The following DOCK3 variants were observed in gnomAD, a reference collection of about 807,000 sequenced individuals.
DOCK3 encodes dedicator of cytokinesis 3.
In DOCK3, 60 loss-of-function variants were observed where a neutral mutation model predicts 265.6. The ratio of observed to expected loss-of-function variants is 0.23; its 90% confidence interval spans 0.18 to 0.28. DOCK3 has a LOEUF of 0.28. Among genes scored for constraint, DOCK3 ranks in the 10% least tolerant of loss-of-function variants. The pLI is 1.00. For missense variants in DOCK3, 1,981 were observed against 2,594.3 expected (o/e 0.76, Z 5.14); for synonymous variants, 881 against 938.0 (o/e 0.94, Z 1.11).
At chr3:50,984,165 A>G (rs2077808147) in intron 5 of DOCK3, among the ~76,000 whole-genome samples, 1 of 152,226 alleles carries the variant, frequency 6.6e-6, no homozygotes, top group Non-Finnish European at 1.5e-5. Flanking sequence ...GCAGCCTGCC[A>G]GGCTGAGTGG....
chr3:51,252,905 T>C (rs1472808072), intron 22 of DOCK3, among the ~76,000 whole-genome samples: 1 of 152,222 alleles, frequency 6.6e-6, no homozygotes, highest in Non-Finnish European at 1.5e-5. Context: ...CTATGTTGAA[T>C]AGGAGTGGTG....
chr3:51,120,259 A>G (rs1203439032), intron 9 of DOCK3, among the ~76,000 whole-genome samples: 3 of 152,106 alleles, frequency 2.0e-5, no homozygotes, highest in Non-Finnish European at 4.4e-5. Flanking sequence ...CTAGGGGTCT[A>G]CTCCAGATCC....
intron 2 of DOCK3, among the ~76,000 whole-genome samples, chr3:50,824,779 A>AT (rs1243480389): frequency 6.6e-6 from 1 of 152,198 alleles, no homozygotes; most frequent in East Asian, 1.9e-4. Context: ...AGGTAGATGA[A>AT]TGGACTAATA....
At chr3:50,989,340 C>T (rs1379864482) in intron 5 of DOCK3, among the ~76,000 whole-genome samples, 9 of 152,158 alleles carry the variant, frequency 5.9e-5, no homozygotes, top group African/African-American at 1.4e-4. Context: ...AGAGCTACAG[C>T]GGGCAGGCCA....
chr3:50,817,386 G>A (rs1415753099), intron 2 of DOCK3, among the ~76,000 whole-genome samples: 1 of 152,102 alleles, frequency 6.6e-6, no homozygotes, highest in African/African-American at 2.4e-5. Context: ...CAACCTCCCA[G>A]GCTCAAGCCA....
chr3:51,230,233 A>C (rs1194228754), intron 19 of DOCK3, among the ~76,000 whole-genome samples: 3 of 152,146 alleles, frequency 2.0e-5, no homozygotes, highest in African/African-American at 7.2e-5. Context: ...CTGAGGTAGT[A>C]AGCATAGTAC....
chr3:51,194,730 C>T (rs1307217574), intron 12 of DOCK3, among the ~76,000 whole-genome samples: 2 of 151,646 alleles, frequency 1.3e-5, no homozygotes, highest in African/African-American at 2.4e-5. Context: ...TATCCCTACT[C>T]GCTTTTGGTT....
At position 51,330,190 on chromosome 3, in the gene DOCK3, G is replaced by A; in HGVS notation, c.3455G>A (p.Gly1152Asp). The A allele has an allele frequency of 6.2e-7, 1 of 1,605,454 alleles. No individual in the cohort carries two copies. The highest frequency in any genetic ancestry group is 8.5e-7 in the Non-Finnish European group (1 of 1,176,084). The change falls in exon 33 of 53, where the codon GGT becomes GAT. Residue 1152 changes from glycine (G) to aspartate (D), a missense_variant. By Grantham distance (94) the Gly-to-Asp change is moderately conservative. Around this residue, in one of 4 missense-constraint regions of DOCK3, gnomAD observed 1,357 missense variants for 1,866.8 expected, o/e 0.73. Transcript: ENST00000266037. ...GACAGCATGGTGTCAGAAGGGAAAG[G>A]TGACGAGAGCTACAGGGAGCTCTTC... Reference protein sequence around the residue: ...KLDSMVSEGKGDESYRELFSL... With the variant: ...KLDSMVSEGKDDESYRELFSL...
intron 27 of DOCK3, among the ~76,000 whole-genome samples, chr3:51,287,163 A>G (rs999846904): frequency 2.0e-5 from 3 of 152,228 alleles, no homozygotes; most frequent in Non-Finnish European, 4.4e-5. Context: ...ATGAACAGAC[A>G]CTTTTCAAAA....
chr3:51,141,299 GT>G (rs34416506), intron 9 of DOCK3, among the ~76,000 whole-genome samples: 3 of 142,936 alleles, frequency 2.1e-5, no homozygotes, highest in Non-Finnish European at 4.5e-5. Flanking sequence ...TTCCTGGAGA[GT>G]TTTTTTTTTT....
At position 50,854,594 on chromosome 3, in the gene DOCK3, T is replaced by TTTTTTTTTTTTTTTTTG. The variant is rs2046498389; in HGVS notation, c.162+12880_162+12896dup. ...TACAGATGAGCACCATCACACCAGTTTTTTTTTTTTTTTTTTGGTGGTCTC... is the reference window on the plus strand; with the variant it reads ...TACAGATGAGCACCATCACACCAGTTTTTTTTTTTTTTTTTTGTTTTTTTTTTTTTTTTGGTGGTCTC... On this transcript the variant is annotated intron_variant, in intron 3 of 52. Coordinates refer to ENST00000266037, the MANE Select transcript of DOCK3 (RefSeq NM_004947.5). Among the ~76,000 whole-genome samples, 9 of 126,144 alleles carry TTTTTTTTTTTTTTTTTG rather than the reference T, an allele frequency of 7.1e-5. 3 individuals carry two copies. Among genetic ancestry groups the TTTTTTTTTTTTTTTTTG allele is most frequent in the African/African-American group, 2.8e-4 (9 of 32,178 alleles). The allele number at this position is 126,144 out of a possible 152,430, so 82.8% of individuals were successfully genotyped here.
intron 1 of DOCK3, among the ~76,000 whole-genome samples, chr3:50,694,184 C>T (rs200037290): frequency 2.6e-5 from 4 of 151,908 alleles, no homozygotes; most frequent in East Asian, 2.0e-4. Flanking sequence ...GCATGAGAAT[C>T]GCTTGAACCC....
intron 4 of DOCK3, among the ~76,000 whole-genome samples, chr3:50,892,510 G>A (rs1368211730): frequency 2.0e-5 from 3 of 152,090 alleles, no homozygotes; most frequent in Admixed American, 6.6e-5. Context: ...CTGGTTAAGA[G>A]AGAATTTGTC....
intron 4 of DOCK3, among the ~76,000 whole-genome samples, chr3:50,908,550 T>G (rs547007104): frequency 6.6e-6 from 1 of 152,194 alleles, no homozygotes; most frequent in African/African-American, 2.4e-5. Context: ...TGTCTTAACA[T>G]TGAGTTCTAA....
At chr3:50,735,935 T>C (rs1173452980) in intron 1 of DOCK3, among the ~76,000 whole-genome samples, 1 of 152,138 alleles carries the variant, frequency 6.6e-6, no homozygotes, top group Non-Finnish European at 1.5e-5. Context: ...AGTTCTAGGG[T>C]ACGTGTACAC....
At chr3:50,807,236 G>T (rs1241038023) in intron 2 of DOCK3, among the ~76,000 whole-genome samples, 2 of 150,354 alleles carry the variant, frequency 1.3e-5, no homozygotes, top group African/African-American at 2.5e-5. Flanking sequence ...CAGCCATCTT[G>T]CTCTGCCACG....
chr3:51,073,885 A>G (rs926878896), intron 6 of DOCK3, among the ~76,000 whole-genome samples: 3 of 152,120 alleles, frequency 2.0e-5, no homozygotes, highest in African/African-American at 7.2e-5. Flanking sequence ...TTCTCCATAT[A>G]GGTTTGATTT....
At chr3:50,718,721 C>T (rs979700231) in intron 1 of DOCK3, among the ~76,000 whole-genome samples, 1 of 149,200 alleles carries the variant, frequency 6.7e-6, no homozygotes, top group Non-Finnish European at 1.5e-5. Context: ...TTTTGCCATC[C>T]GCTCTAGCTG....
chr3:50,858,797 A>G (rs1189273183), intron 3 of DOCK3, among the ~76,000 whole-genome samples: 1 of 152,118 alleles, frequency 6.6e-6, no homozygotes, highest in African/African-American at 2.4e-5. Flanking sequence ...AATGATTCAT[A>G]GATTTGGCCT....
Sources: gnomAD v4.1 joint callset for allele counts (sites outside exome capture counted in the v4.1 genomes callset) on GRCh38, gnomAD v4.1.1 for gene constraint, gnomAD v4.1.1 regional missense constraint, MANE v1.5 for transcripts, NCBI Gene and HGNC (gene_info 2026-07-23, HGNC 2026-07-21) for gene names.